The following ALDH8A1 variants were observed in gnomAD, a reference collection of about 807,000 sequenced individuals.
ALDH8A1 encodes the protein aldehyde dehydrogenase 8 family member A1, also known as 2-aminomuconic semialdehyde dehydrogenase.
ALDH8A1 carries 39 observed loss-of-function variants against 43.3 expected under a neutral mutation model. The observed-to-expected ratio is 0.90, with a 90% CI of 0.70 to 1.18. The LOEUF (loss-of-function observed/expected upper bound fraction) is 1.18, where lower values mean the gene tolerates loss of function less well. ALDH8A1 is among the 50% of genes most tolerant of loss of function. ALDH8A1 has a pLI of 0.00. For synonymous variants in ALDH8A1, 233 were observed against 243.5 expected (o/e 0.96, Z 0.40); for missense variants, 605 against 622.6 (o/e 0.97, Z 0.30).
At chr6:134,940,447 C>T (rs1248071282) in intron 3 of ALDH8A1, among the ~76,000 whole-genome samples, 1 of 152,118 alleles carries the variant, frequency 6.6e-6, no homozygotes, top group East Asian at 1.9e-4. Flanking sequence ...TATAATTATT[C>T]ATAAAATAGG....
At position 134,937,362 on chromosome 6, in the gene ALDH8A1, C is replaced by T. The variant is rs960413393; in HGVS notation, c.592+1904G>A. On this transcript the variant is annotated intron_variant, in intron 4 of 6. Transcript: ENST00000265605. ...ACACAGATGTGGTTCGCATTCCTTC[C>T]AATCCCAGTGGAGAAACTGAGGGCT... 9.2e-5 allele frequency among the ~76,000 whole-genome samples: 14 copies of T among 152,292 alleles called. No homozygotes were observed. The East Asian group carries it at 2.5e-3, about 27-fold the overall frequency.
chr6:134,929,602 G>A (rs1641623124), intron 5 of ALDH8A1, among the ~76,000 whole-genome samples: 1 of 152,082 alleles, frequency 6.6e-6, no homozygotes, highest in African/African-American at 2.4e-5. Flanking sequence ...AAGATCTGGA[G>A]GTGGGGAATT....
At chr6:134,944,690 C>T (rs1203929827) in intron 1 of ALDH8A1, among the ~76,000 whole-genome samples, 1 of 151,496 alleles carries the variant, frequency 6.6e-6, no homozygotes, top group African/African-American at 2.4e-5. Flanking sequence ...TTGAGACCAG[C>T]CTGGTCAACA....
At chr6:134,922,271 C>T (rs1776815623) in intron 6 of ALDH8A1, among the ~76,000 whole-genome samples, 1 of 152,316 alleles carries the variant, frequency 6.6e-6, no homozygotes, top group African/African-American at 2.4e-5. Flanking sequence ...ACATAGATAG[C>T]AGCGTTTTAG....
chr6:134,939,350 C>T lies in ALDH8A1; in HGVS notation c.508G>A (p.Ala170Thr), dbSNP rs780740276. Residue 170 changes from alanine (A) to threonine (T), a missense_variant, in exon 4 of 7, where the codon GCT becomes ACT. Physicochemically the swap from Ala to Thr is moderately conservative, Grantham distance 58. Coordinates refer to ENST00000265605, the MANE Select transcript of ALDH8A1 (RefSeq NM_022568.4). ...LLTWKIAPAM[A>T]AGNTVIAKPS... ...TTGGCTATCACAGTGTTCCCTGCAG[C>T]CATCGCTGGAGCTATCTTCCAGGTC... 1 of 1,614,226 alleles carries T rather than the reference C, an allele frequency of 6.2e-7. No homozygotes were observed. Among genetic ancestry groups the T allele is most frequent in the East Asian group, 2.2e-5 (1 of 44,890 alleles).
rs1776753457 is a variant in ALDH8A1 at position 134,918,867 on chromosome 6, C to T, written c.1012G>A (p.Val338Ile). The T allele has an allele frequency of 6.2e-7, 1 of 1,611,802 alleles. No homozygotes were observed. The highest frequency in any genetic ancestry group is 2.2e-5 in the East Asian group (1 of 44,832). ...ALISKAHLEKVRSYVKRALAE... is the reference protein window; with the variant it reads ...ALISKAHLEKIRSYVKRALAE... ...AGAGCTCTCTTGACGTAACTTCTGA[C>T]CTGCGTGGGTAAAAATCATAATTAG... The change falls in exon 7 of 7, where the codon GTC (valine) becomes ATC (isoleucine). Residue 338 changes from valine to isoleucine, a missense_variant and splice_region_variant. Physicochemically the swap from Val to Ile is conservative, Grantham distance 29 (BLOSUM62 3). Coordinates refer to ENST00000265605, the MANE Select transcript of ALDH8A1 (RefSeq NM_022568.4).
chr6:134,935,336 T>C (rs1055073429), intron 4 of ALDH8A1, among the ~76,000 whole-genome samples: 3 of 152,178 alleles, frequency 2.0e-5, no homozygotes, highest in African/African-American at 7.2e-5. Flanking sequence ...TACACTTAGT[T>C]CACCAGGAAG....
At chr6:134,949,421 T>G (rs1262548111) in intron 1 of ALDH8A1, among the ~76,000 whole-genome samples, 1 of 152,204 alleles carries the variant, frequency 6.6e-6, no homozygotes, top group Non-Finnish European at 1.5e-5. Context: ...TTCAAATGAT[T>G]GATTTTATTT....
intron 4 of ALDH8A1, among the ~76,000 whole-genome samples, chr6:134,938,734 G>A (rs1038738517): frequency 1.3e-5 from 2 of 152,144 alleles, no homozygotes; most frequent in East Asian, 1.9e-4. Context: ...TGCAAGCTCC[G>A]CCTCCTGGGT....
chr6:134,939,336 A>T lies in ALDH8A1; in HGVS notation c.522T>A (p.Thr174=), dbSNP rs1773810198. Reference sequence around the variant, plus strand: ...TCAGCTCACTGGGCTTGGCTATCACAGTGTTCCCTGCAGCCATCGCTGGAG... The same window carrying T: ...TCAGCTCACTGGGCTTGGCTATCACTGTGTTCCCTGCAGCCATCGCTGGAG... ...KIAPAMAAGN[T]VIAKPSELTS... The change falls in exon 4 of 7, where the codon ACT becomes ACA. Residue 174 remains threonine (T), a synonymous_variant. Transcript: ENST00000265605. 9 of 1,614,104 alleles carry T rather than the reference A, an allele frequency of 5.6e-6. No homozygotes were observed. Among genetic ancestry groups the T allele is most frequent in the Non-Finnish European group, 6.8e-6 (8 of 1,180,034 alleles).
intron 2 of ALDH8A1, among the ~76,000 whole-genome samples, chr6:134,943,339 T>C (rs1361985920): frequency 6.6e-6 from 1 of 152,080 alleles, no homozygotes; most frequent in African/African-American, 2.4e-5. Context: ...CTCTGACCTC[T>C]GGGAAAGAGT....
Position 134,933,338 on chromosome 6 carries a change from G to T in ALDH8A1, c.593-306C>A, listed in dbSNP as rs117596645. On this transcript the variant is annotated intron_variant, in intron 4 of 6. Transcript: ENST00000265605. ...TCCATAATACTGGCTAGGCCTTAGG[G>T]GTTGAGGATGCAGAGATAGTCTCAG... 9.3e-4 allele frequency among the ~76,000 whole-genome samples: 141 copies of T among 152,318 alleles called. 1 individual carries two copies. In the East Asian group the frequency reaches 0.023, roughly 24 times the overall value.
At chr6:134,949,031 A>G (rs1467385213) in intron 1 of ALDH8A1, among the ~76,000 whole-genome samples, 1 of 152,208 alleles carries the variant, frequency 6.6e-6, no homozygotes, top group Non-Finnish European at 1.5e-5. Flanking sequence ...GACAGATTTG[A>G]AGTATTAACA....
At chr6:134,938,932 C>A (rs1773799288) in intron 4 of ALDH8A1, among the ~76,000 whole-genome samples, 2 of 152,304 alleles carry the variant, frequency 1.3e-5, no homozygotes, top group East Asian at 1.9e-4. Context: ...CAGGCGTGAA[C>A]CACCACACCT....
intron 6 of ALDH8A1, among the ~76,000 whole-genome samples, chr6:134,928,811 G>A (rs1206265421): frequency 6.6e-6 from 1 of 152,146 alleles, no homozygotes; most frequent in Non-Finnish European, 1.5e-5. Flanking sequence ...TCTACTGGTG[G>A]TATCTCCATG....
At chr6:134,934,626 T>C (rs1413140919) in intron 4 of ALDH8A1, among the ~76,000 whole-genome samples, 5 of 152,114 alleles carry the variant, frequency 3.3e-5, no homozygotes, top group African/African-American at 1.2e-4. Context: ...CCAGAATTCA[T>C]GTCCACCATG....
At chr6:134,941,120 T>A (rs1773845205) in intron 3 of ALDH8A1, among the ~76,000 whole-genome samples, 3 of 152,196 alleles carry the variant, frequency 2.0e-5, no homozygotes, top group African/African-American at 7.2e-5. Context: ...GTAAGATAAT[T>A]CTCAGTAGAG....
chr6:134,938,442 G>A (rs1326862740), intron 4 of ALDH8A1, among the ~76,000 whole-genome samples: 3 of 152,188 alleles, frequency 2.0e-5, no homozygotes, highest in Non-Finnish European at 4.4e-5. Context: ...ATGCTAGGAA[G>A]AGGCCATATT....
intron 3 of ALDH8A1, 135 bp downstream of exon 3, chr6:134,942,274 A>G: frequency 1.8e-6 from 2 of 1,100,166 alleles, no homozygotes; most frequent in Non-Finnish European, 2.5e-6. Flanking sequence ...TAGATCTTTG[A>G]GGCCAATGGA....
Sources: gnomAD v4.1 joint callset for allele counts (sites outside exome capture counted in the v4.1 genomes callset) on GRCh38, gnomAD v4.1.1 for gene constraint, MANE v1.5 for transcripts, NCBI Gene and HGNC (gene_info 2026-07-23, HGNC 2026-07-21) for gene names.